The following LRRC8D variants were observed in gnomAD, a reference collection of about 807,000 sequenced individuals.
The protein encoded by LRRC8D is volume-regulated anion channel subunit LRRC8D.
A neutral mutation model predicts 55.8 loss-of-function variants in LRRC8D; 20 were observed. That is an observed-to-expected ratio of 0.36 (90% CI 0.25 to 0.52). LRRC8D has a LOEUF of 0.52. LRRC8D is among the 20% of genes least tolerant of loss of function. The pLI, the probability that LRRC8D is intolerant of heterozygous loss-of-function variation, is 0.93. For missense variants in LRRC8D, 651 were observed against 1,030.8 expected, an observed-to-expected ratio of 0.63 and a Z score of 5.05; for synonymous variants, 352 against 377.0, an observed-to-expected ratio of 0.93 and a Z score of 0.77.
chr1:89,859,225 T>A (rs1371770197), intron 2 of LRRC8D, among the ~76,000 whole-genome samples: 3 of 151,980 alleles, frequency 2.0e-5, no homozygotes, highest in Non-Finnish European at 4.4e-5. Flanking sequence ...TAGGGAGTAA[T>A]GGTAGGTAAT....
At chr1:89,841,377 C>T (rs1305412814) in intron 1 of LRRC8D, among the ~76,000 whole-genome samples, 1 of 145,212 alleles carries the variant, frequency 6.9e-6, no homozygotes, top group African/African-American at 2.6e-5. Flanking sequence ...CGTCTGGAGG[C>T]CTCAGTATTG....
At chr1:89,822,293 C>T (rs1312129607) in intron 1 of LRRC8D, 1 of 152,490 alleles carries the variant, frequency 6.6e-6, no homozygotes, top group Non-Finnish European at 1.5e-5. Flanking sequence ...AGGAAACAGC[C>T]GAGATGAGAG....
chr1:89,828,743 C>T (rs1361871753), intron 1 of LRRC8D, among the ~76,000 whole-genome samples: 1 of 152,056 alleles, frequency 6.6e-6, no homozygotes, highest in African/African-American at 2.4e-5. Context: ...CCATTACAAG[C>T]ATTTTTTTTT....
In LRRC8D at chr1:89,934,851, G is replaced by GGT. The variant is rs1663797557; in HGVS notation, c.1783_1784insGT (p.Val595GlyfsTer2). On this transcript the variant is annotated frameshift_variant, in exon 3 of 3. Transcript: ENST00000337338. LOFTEE classifies it high-confidence loss of function. This position sits in a 1 kb window ranked among gnomAD's most constrained non-coding sequence, Gnocchi z 5.9. ...GTTGCGGCACCTTAAGATTCTCCACGTGAAGAGCAATTTGACCAAAGTTCC... is the reference window on the plus strand; with the variant it reads ...GTTGCGGCACCTTAAGATTCTCCACGGTTGAAGAGCAATTTGACCAAAGTTCC... The GGT allele has an allele frequency of 6.2e-7, 1 of 1,613,928 alleles. No individual in the cohort carries two copies. Among genetic ancestry groups the GGT allele is most frequent in the Non-Finnish European group, 8.5e-7 (1 of 1,180,012 alleles).
chr1:89,884,759 C>T (rs983565681), intron 2 of LRRC8D, among the ~76,000 whole-genome samples: 4 of 152,296 alleles, frequency 2.6e-5, no homozygotes, highest in East Asian at 3.9e-4. Context: ...AACTCAGATA[C>T]GCTTGGAACC....
In LRRC8D at chr1:89,907,183, C is replaced by CTTT. The variant is rs71584958; in HGVS notation, c.-2-25860_-2-25858dup. 6.1e-3 allele frequency among the ~76,000 whole-genome samples: 425 copies of CTTT among 69,820 alleles called. 73 individuals are homozygous for CTTT. The highest frequency in any genetic ancestry group is 0.012 in the Middle Eastern group (1 of 86). 45.8% of individuals were successfully genotyped at this position (69,820 alleles called of 152,430 possible). Reference sequence around the variant, plus strand: ...TTGGGCTTCCTGTCTTCCACTGTGTCTTTTTTTTTTTTTTTTTTTTTTTTT... The same window carrying CTTT: ...TTGGGCTTCCTGTCTTCCACTGTGTCTTTTTTTTTTTTTTTTTTTTTTTTTTTT... On this transcript the variant is annotated intron_variant, in intron 2 of 2. Transcript: ENST00000337338.
At chr1:89,836,793 T>C (rs1175469570) in intron 1 of LRRC8D, among the ~76,000 whole-genome samples, 1 of 152,224 alleles carries the variant, frequency 6.6e-6, no homozygotes, top group Non-Finnish European at 1.5e-5. Flanking sequence ...TCTGTTTTTC[T>C]TCACCTCTCT....
chr1:89,909,229 A>G (rs965443092), intron 2 of LRRC8D, among the ~76,000 whole-genome samples: 3 of 152,150 alleles, frequency 2.0e-5, no homozygotes, highest in Admixed American at 2.0e-4. Context: ...CTGTGGTATT[A>G]CTATCTCTCT....
intron 2 of LRRC8D, among the ~76,000 whole-genome samples, chr1:89,885,293 A>C (rs560791781): frequency 1.1e-4 from 16 of 152,294 alleles, no homozygotes; most frequent in African/African-American, 3.8e-4. Flanking sequence ...GTTCATGGTG[A>C]TCTTCCTGCC....
intron 2 of LRRC8D, among the ~76,000 whole-genome samples, chr1:89,844,556 T>TTTCC (rs2100748901): frequency 6.6e-6 from 1 of 152,322 alleles, no homozygotes; most frequent in African/African-American, 2.4e-5. Flanking sequence ...TCTTTATTAA[T>TTTCC]TCCATTTGTC....
At chr1:89,921,101 T>C (rs968587993) in intron 2 of LRRC8D, among the ~76,000 whole-genome samples, 1 of 152,216 alleles carries the variant, frequency 6.6e-6, no homozygotes, top group Non-Finnish European at 1.5e-5. Context: ...TGGTGGCTCA[T>C]GCCTGTAATC....
At chr1:89,867,524 G>A (rs939242524) in intron 2 of LRRC8D, among the ~76,000 whole-genome samples, 2 of 152,176 alleles carry the variant, frequency 1.3e-5, no homozygotes, top group Admixed American at 1.3e-4. Flanking sequence ...CATAGATTGG[G>A]TTGTTTTCCA....
intron 1 of LRRC8D, among the ~76,000 whole-genome samples, chr1:89,834,984 G>A (rs1013970840): frequency 2.0e-5 from 3 of 152,230 alleles, no homozygotes; most frequent in Non-Finnish European, 4.4e-5. Context: ...TTGAATAAAG[G>A]TTATTCCATT....
intron 1 of LRRC8D, among the ~76,000 whole-genome samples, chr1:89,840,772 G>A (rs1661113405): frequency 6.6e-6 from 1 of 152,142 alleles, no homozygotes; most frequent in Non-Finnish European, 1.5e-5. Context: ...TAGTCTAATC[G>A]CATGAGTCCC....
chr1:89,824,720 C>T (rs1333666888), intron 1 of LRRC8D, among the ~76,000 whole-genome samples: 1 of 152,166 alleles, frequency 6.6e-6, no homozygotes, highest in Non-Finnish European at 1.5e-5. Flanking sequence ...CAATTCTTTT[C>T]ACAGTCTTTT....
chr1:89,898,340 A>G (rs1006196845), intron 2 of LRRC8D, among the ~76,000 whole-genome samples: 1 of 152,178 alleles, frequency 6.6e-6, no homozygotes, highest in South Asian at 2.1e-4. Context: ...CTCCACCTCT[A>G]TGGGGAAGGG....
chr1:89,930,740 T>A (rs1254338875), intron 2 of LRRC8D, among the ~76,000 whole-genome samples: 1 of 150,810 alleles, frequency 6.6e-6, no homozygotes, highest in Non-Finnish European at 1.5e-5. Context: ...GAAGTAAGAG[T>A]CATTCTGTGC....
chr1:89,843,647 G>T lies in LRRC8D; in HGVS notation c.-138G>T, dbSNP rs1319170220. 1 of 702,424 alleles carries T rather than the reference G, an allele frequency of 1.4e-6. No homozygotes were observed. The allele number at this position is 702,424 out of a possible 1,614,324, so 43.5% of individuals were successfully genotyped here. A position where few individuals can be genotyped will look rare whatever the true frequency, so the allele number is the denominator to read the frequency against. ...CTGTGTTTTCAAACAGGAAGTGCAC[G>T]GCTGTCTATAACGTGCTGCCGGGTC... On this transcript the variant is annotated 5_prime_UTR_variant, in exon 2 of 3. Coordinates refer to ENST00000337338, the MANE Select transcript of LRRC8D (RefSeq NM_001134479.2).
chr1:89,862,628 C>A (rs962069557), intron 2 of LRRC8D, among the ~76,000 whole-genome samples: 1 of 152,112 alleles, frequency 6.6e-6, no homozygotes, highest in African/African-American at 2.4e-5. Flanking sequence ...ATAACTGTAT[C>A]CATTTTTGTC....
Sources: gnomAD v4.1 joint callset for allele counts (sites outside exome capture counted in the v4.1 genomes callset) on GRCh38, gnomAD v4.1.1 for gene constraint, Gnocchi (gnomAD v3.1) non-coding constraint, MANE v1.5 for transcripts, NCBI Gene and HGNC (gene_info 2026-07-23, HGNC 2026-07-21) for gene names.